The following NUP210L variants were observed in gnomAD, a reference collection of about 807,000 sequenced individuals.
The protein encoded by NUP210L is nucleoporin 210 like.
NUP210L carries 74 observed loss-of-function variants against 208.5 expected under a neutral mutation model. The ratio of observed to expected loss-of-function variants is 0.35; its 90% CI spans 0.29 to 0.43. The LOEUF (loss-of-function observed/expected upper bound fraction) is 0.43, where lower values mean the gene tolerates loss of function less well. Among genes scored for constraint, NUP210L ranks in the 20% least tolerant of loss-of-function variants. NUP210L has a pLI of 1.00. For missense variants in NUP210L, 1,843 were observed against 2,289.4 expected (o/e 0.81, Z 3.98); for synonymous variants, 780 against 816.9 (o/e 0.95, Z 0.77).
At chr1:154,040,466 A>C (rs1008195423) in intron 27 of NUP210L, among the ~76,000 whole-genome samples, 1 of 152,080 alleles carries the variant, frequency 6.6e-6, no homozygotes, top group African/African-American at 2.4e-5. Context: ...GAGGAGAAAT[A>C]GTGTACAAGA....
At chr1:154,118,861 A>G in intron 10 of NUP210L, 53 bp from the exon 11 acceptor site, 3 of 1,136,190 alleles carry the variant, frequency 2.6e-6, no homozygotes. Context: ...CTATTCTTAT[A>G]ATACACATTC....
At chr1:154,049,549 G>A (rs1004856560) in intron 25 of NUP210L, among the ~76,000 whole-genome samples, 6 of 152,192 alleles carry the variant, frequency 3.9e-5, no homozygotes, top group East Asian at 1.9e-4. Context: ...AACAATGGCC[G>A]TTAAGTAAAG....
At chr1:154,025,308 T>A (rs919061243) in intron 30 of NUP210L, among the ~76,000 whole-genome samples, 1 of 151,708 alleles carries the variant, frequency 6.6e-6, no homozygotes, top group African/African-American at 2.4e-5. Flanking sequence ...TGGCCTCTTA[T>A]AGGTTCATTT....
intron 16 of NUP210L, among the ~76,000 whole-genome samples, chr1:154,086,636 C>A (rs1224792830): frequency 1.3e-5 from 2 of 151,422 alleles, no homozygotes; most frequent in Non-Finnish European, 2.9e-5. Flanking sequence ...TATAGTGAGA[C>A]CTCATCTCTA....
At chr1:154,078,546 G>A (rs920893504) in intron 16 of NUP210L, among the ~76,000 whole-genome samples, 2 of 149,986 alleles carry the variant, frequency 1.3e-5, no homozygotes, top group Non-Finnish European at 3.0e-5. Context: ...AGTGAACTAT[G>A]ATCACATCAC....
At chr1:154,009,624 TAAAAAA>T (rs35760411) in intron 35 of NUP210L, among the ~76,000 whole-genome samples, 1 of 55,432 alleles carries the variant, frequency 1.8e-5, no homozygotes, top group Non-Finnish European at 3.4e-5. Flanking sequence ...ACGTTGCTCT[TAAAAAA>T]AAAAAAAAAA....
chr1:154,128,252 A>T (rs1339104035), intron 8 of NUP210L, among the ~76,000 whole-genome samples: 1 of 151,758 alleles, frequency 6.6e-6, no homozygotes, highest in Non-Finnish European at 1.5e-5. Flanking sequence ...TTGGGAGGCC[A>T]AGGAGGGAGA....
intron 32 of NUP210L, 121 bp from the exon 33 acceptor site, chr1:154,019,190 G>A (rs1651421292): frequency 3.2e-6 from 3 of 925,024 alleles, no homozygotes; most frequent in African/African-American, 3.3e-5. Flanking sequence ...AGGAGAAACA[G>A]CCAGCTTTGA....
intron 27 of NUP210L, among the ~76,000 whole-genome samples, chr1:154,038,231 C>T (rs1652668404): frequency 6.6e-6 from 1 of 151,982 alleles, no homozygotes; most frequent in African/African-American, 2.4e-5. Flanking sequence ...CTCCCAGGCT[C>T]AAGAGATCCT....
At chr1:154,031,719 T>G (rs1652235763) in intron 27 of NUP210L, among the ~76,000 whole-genome samples, 1 of 151,500 alleles carries the variant, frequency 6.6e-6, no homozygotes, top group Admixed American at 6.6e-5. Context: ...AGGATCACAT[T>G]CCTTTTTTTT....
At chr1:154,139,725 G>T (rs913980217) in intron 5 of NUP210L, 77 bp downstream of exon 5, 74 of 982,948 alleles carry the variant, frequency 7.5e-5, no homozygotes, top group Middle Eastern at 2.2e-4. Context: ...GTGCATTCTT[G>T]TAGTACCTGG....
In NUP210L at chr1:154,001,959, G is replaced by A. The variant is rs1650243626; in HGVS notation, c.4957C>T (p.Arg1653Ter). The change falls in exon 36 of 40, where the codon CGA becomes TGA. Residue 1653 changes from arginine to a stop codon, truncating the protein, a stop_gained. Transcript: ENST00000368559. LOFTEE classifies it high-confidence loss of function. The stretch of plus-strand genomic sequence containing the variant: ...TGTAGCAGCTCCTCTGACTGCGGTC[G>A]AACCTTGATTATGCAGACATAAACC... The A allele has an allele frequency of 1.2e-6, 2 of 1,613,702 alleles. No homozygotes were observed. Among genetic ancestry groups the A allele is most frequent in the South Asian group, 1.1e-5 (1 of 91,066 alleles).
exon 37 of NUP210L, chr1:154,001,018 G>C: frequency 6.2e-7 from 1 of 1,614,180 alleles, no homozygotes; most frequent in Non-Finnish European, 8.5e-7. Flanking sequence ...AGGGGAGAGT[G>C]GCTATGGCCA....
intron 34 of NUP210L, among the ~76,000 whole-genome samples, 186 bp from the exon 35 acceptor site, chr1:154,010,307 T>C (rs1205229109): frequency 6.6e-6 from 1 of 152,162 alleles, no homozygotes; most frequent in Non-Finnish European, 1.5e-5. Context: ...GCATTCTAAT[T>C]TGTGAATGAC....
intron 37 of NUP210L, 59 bp from the exon 38 acceptor site, chr1:153,995,239 G>T: frequency 1.6e-6 from 2 of 1,229,932 alleles, no homozygotes; most frequent in Non-Finnish European, 2.4e-6. Context: ...GGCAGATGCT[G>T]CATTTTTTAA....
intron 33 of NUP210L, among the ~76,000 whole-genome samples, chr1:154,017,507 GTTTC>G (rs1242081693): frequency 7.1e-6 from 1 of 141,208 alleles, no homozygotes. Context: ...TTCACTGGTT[GTTTC>G]TTTCTTTCTT....
At chr1:154,108,462 C>CAA (rs1488544476) in intron 12 of NUP210L, among the ~76,000 whole-genome samples, 56 of 151,998 alleles carry the variant, frequency 3.7e-4, no homozygotes, top group African/African-American at 1.3e-3. Context: ...GCCACTGCAA[C>CAA]CAGCCTAGAG....
chr1:154,010,410 G>C (rs1212210111), intron 34 of NUP210L, among the ~76,000 whole-genome samples: 1 of 151,900 alleles, frequency 6.6e-6, no homozygotes, highest in Non-Finnish European at 1.5e-5. Flanking sequence ...GTCTTGCTCT[G>C]TCGCCCAGTC....
At chr1:154,002,146 G>A (rs1030778282) in intron 35 of NUP210L, among the ~76,000 whole-genome samples, 161 bp from the exon 36 acceptor site, 7 of 152,100 alleles carry the variant, frequency 4.6e-5, no homozygotes, top group Non-Finnish European at 8.8e-5. Context: ...TGGCCACTAC[G>A]AGGAGGATGC....
Sources: gnomAD v4.1 joint callset for allele counts (sites outside exome capture counted in the v4.1 genomes callset) on GRCh38, gnomAD v4.1.1 for gene constraint, MANE v1.5 for transcripts, NCBI Gene and HGNC (gene_info 2026-07-23, HGNC 2026-07-21) for gene names.